LUZP2: variants seen among roughly 807,000 people sequenced by gnomAD.
LUZP2 encodes the protein leucine zipper protein 2.
LUZP2 carries 52 observed loss-of-function variants against 51.6 expected under a neutral mutation model. That is an observed-to-expected ratio of 1.01 (90% CI 0.81 to 1.27). The LOEUF (loss-of-function observed/expected upper bound fraction) is 1.27. LUZP2 is among the 50% of genes most tolerant of loss of function. The pLI is 0.00. For missense variants in LUZP2, 436 were observed against 395.4 expected (o/e 1.10, Z -0.87); for synonymous variants, 154 against 137.3 (o/e 1.12, Z -0.85).
At chr11:24,649,702 G>T (rs1424354458) in intron 1 of LUZP2, among the ~76,000 whole-genome samples, 1 of 151,736 alleles carries the variant, frequency 6.6e-6, no homozygotes, top group African/African-American at 2.4e-5. Flanking sequence ...TTTAATTTCT[G>T]GGGGCCAGGT....
chr11:24,770,214 A>T (rs1860356590), intron 5 of LUZP2, among the ~76,000 whole-genome samples: 1 of 152,238 alleles, frequency 6.6e-6, no homozygotes. Context: ...GTTTGTCTGT[A>T]ACGGTCTGAG....
intron 1 of LUZP2, among the ~76,000 whole-genome samples, chr11:24,533,130 A>G (rs1851063804): frequency 6.6e-6 from 1 of 151,228 alleles, no homozygotes; most frequent in Non-Finnish European, 1.5e-5. Flanking sequence ...TGTATACTCA[A>G]TGATTTTCTC....
At chr11:24,605,135 A>G (rs918943379) in intron 1 of LUZP2, among the ~76,000 whole-genome samples, 5 of 151,774 alleles carry the variant, frequency 3.3e-5, no homozygotes, top group Non-Finnish European at 7.4e-5. Flanking sequence ...AAGTTTCCCA[A>G]TGAGTTCTGA....
At chr11:25,006,608 G>T (rs149308560) in intron 9 of LUZP2, among the ~76,000 whole-genome samples, 1 of 152,122 alleles carries the variant, frequency 6.6e-6, no homozygotes, top group African/African-American at 2.4e-5. Context: ...ACATGTGCCC[G>T]GTATTTAGCC....
At chr11:24,736,469 G>GTCCTTCCTTCCTTCCTTCCTTCCT (rs61318393) in intron 3 of LUZP2, among the ~76,000 whole-genome samples, 1 of 146,302 alleles carries the variant, frequency 6.8e-6, no homozygotes. Flanking sequence ...TAACATGTAG[G>GTCCTTCCTTCCTTCCTTCCTTCCT]TCCTTCCTTC....
At chr11:24,850,165 TG>T (rs758337131) in intron 5 of LUZP2, among the ~76,000 whole-genome samples, 3 of 152,228 alleles carry the variant, frequency 2.0e-5, no homozygotes, top group Admixed American at 6.5e-5. Flanking sequence ...TTGCTGCCAT[TG>T]CTTTTGGTGT....
chr11:24,673,622 C>G (rs1423724595), intron 1 of LUZP2, among the ~76,000 whole-genome samples: 1 of 152,028 alleles, frequency 6.6e-6, no homozygotes, highest in East Asian at 1.9e-4. Flanking sequence ...TTTCCAAATT[C>G]AGCAATATTG....
intron 1 of LUZP2, among the ~76,000 whole-genome samples, chr11:24,651,324 C>A (rs1211609439): frequency 2.0e-5 from 3 of 152,044 alleles, no homozygotes; most frequent in Admixed American, 2.0e-4. Context: ...GGAATTTTAT[C>A]TTCTGCTAAA....
At chr11:24,955,016 C>T (rs932135836) in intron 7 of LUZP2, among the ~76,000 whole-genome samples, 2 of 151,880 alleles carry the variant, frequency 1.3e-5, no homozygotes, top group Non-Finnish European at 2.9e-5. Context: ...ATGTCTCATT[C>T]AATGAACTAT....
intron 7 of LUZP2, among the ~76,000 whole-genome samples, chr11:24,955,717 G>A (rs1013737989): frequency 1.1e-4 from 17 of 151,902 alleles, no homozygotes; most frequent in Admixed American, 6.6e-5. Context: ...GGGATATAAG[G>A]CAACATTATT....
chr11:24,719,684 G>A (rs930506778), intron 1 of LUZP2, among the ~76,000 whole-genome samples: 5 of 152,286 alleles, frequency 3.3e-5, no homozygotes, highest in African/African-American at 1.2e-4. Context: ...AAGAAGTGAA[G>A]TATATTTACC....
chr11:24,510,004 G>T (rs79959138), intron 1 of LUZP2, among the ~76,000 whole-genome samples: 2,489 of 152,224 alleles, frequency 0.016, 74 homozygotes, highest in African/African-American at 0.056. Flanking sequence ...AATTTTAATT[G>T]TTATACATGC....
At chr11:24,518,857 C>G (rs1850556616) in intron 1 of LUZP2, among the ~76,000 whole-genome samples, 1 of 152,186 alleles carries the variant, frequency 6.6e-6, no homozygotes, top group Admixed American at 6.5e-5. Flanking sequence ...AGTTTCTATT[C>G]AAGTTCCCAA....
At chr11:24,888,118 G>C (rs10834529) in intron 5 of LUZP2, among the ~76,000 whole-genome samples, 73,693 of 151,908 alleles carry the variant, frequency 0.49, 18,348 homozygotes, top group East Asian at 0.69. Context: ...CTTGAAAATT[G>C]ATTGAGGCCT....
At chr11:24,778,280 G>A (rs867424544) in intron 5 of LUZP2, among the ~76,000 whole-genome samples, 10 of 152,138 alleles carry the variant, frequency 6.6e-5, no homozygotes, top group South Asian at 4.2e-4. Context: ...GCCGGGCATC[G>A]TGATGCATGC....
chr11:24,733,430 C>T (rs527802507), intron 3 of LUZP2, among the ~76,000 whole-genome samples: 2 of 151,746 alleles, frequency 1.3e-5, no homozygotes, highest in Admixed American at 6.6e-5. Context: ...AATAGTAGAA[C>T]ATTATTCAGT....
In LUZP2 at chr11:24,982,055, A is replaced by G. The variant is rs111736307; in HGVS notation, c.598-1071A>G. On this transcript the variant is annotated intron_variant, in intron 8 of 11. Coordinates refer to ENST00000336930, the MANE Select transcript of LUZP2 (RefSeq NM_001009909.4). ...TAGAGAAACGCGAATCAAAATCACA[A>G]TGAGATACTATCTCACACCAGTCAG... 7.8e-3 allele frequency among the ~76,000 whole-genome samples: 1,179 copies of G among 152,080 alleles called. 14 individuals are homozygous for G. Among genetic ancestry groups the G allele is most frequent in the African/African-American group, 0.024 (988 of 41,536 alleles).
chr11:24,639,272 A>G (rs1383558373), intron 1 of LUZP2, among the ~76,000 whole-genome samples: 1 of 151,748 alleles, frequency 6.6e-6, no homozygotes, highest in Non-Finnish European at 1.5e-5. Context: ...CATTTCTATG[A>G]TGGGTCATAG....
At chr11:24,540,733 G>A (rs1179103794) in intron 1 of LUZP2, among the ~76,000 whole-genome samples, 6 of 152,050 alleles carry the variant, frequency 3.9e-5, no homozygotes, top group Non-Finnish European at 8.8e-5. Context: ...ACATGGGGGA[G>A]GATGTACTTG....
Sources: gnomAD v4.1 joint callset for allele counts (sites outside exome capture counted in the v4.1 genomes callset) on GRCh38, gnomAD v4.1.1 for gene constraint, MANE v1.5 for transcripts, NCBI Gene and HGNC (gene_info 2026-07-23, HGNC 2026-07-21) for gene names.